Variants in LCLAT1 observed in about 807,000 individuals in gnomAD.
LCLAT1 encodes lysocardiolipin acyltransferase 1, also known as 1-AGP acyltransferase 8.
LCLAT1 carries 11 observed loss-of-function variants against 30.7 expected under a neutral mutation model. The ratio of observed to expected loss-of-function variants is 0.36; its 90% CI spans 0.23 to 0.59. The LOEUF (loss-of-function observed/expected upper bound fraction) is 0.59. Ranked by LOEUF, LCLAT1 falls within the 20% of genes least tolerant of loss-of-function variation. LCLAT1 has a pLI of 0.77. For missense variants in LCLAT1, 402 were observed against 458.6 expected (o/e 0.88, Z 1.13); for synonymous variants, 155 against 151.3 (o/e 1.02, Z -0.18).
intron 5 of LCLAT1, among the ~76,000 whole-genome samples, chr2:30,632,640 T>C (rs1456165583): frequency 6.6e-6 from 1 of 152,246 alleles, no homozygotes. Flanking sequence ...GGAAGAATAA[T>C]GATGATACAA....
chr2:30,615,465 C>G (rs1407041379), intron 5 of LCLAT1, among the ~76,000 whole-genome samples: 4 of 152,092 alleles, frequency 2.6e-5, no homozygotes, highest in Non-Finnish European at 4.4e-5. Flanking sequence ...ATGAAGTCCT[C>G]AAATCCAAGC....
chr2:30,583,031 CCAGTT>C (rs1313580716), intron 5 of LCLAT1, among the ~76,000 whole-genome samples: 2 of 152,188 alleles, frequency 1.3e-5, no homozygotes, highest in African/African-American at 4.8e-5. Flanking sequence ...GCACTATAAA[CCAGTT>C]CATTTTATTT....
intron 1 of LCLAT1, among the ~76,000 whole-genome samples, chr2:30,479,254 G>A (rs1212826654): frequency 6.6e-6 from 1 of 151,494 alleles, no homozygotes; most frequent in Non-Finnish European, 1.5e-5. Flanking sequence ...TTTTGGGACA[G>A]GGTCTCATTC....
At chr2:30,620,880 C>T (rs1187664177) in intron 5 of LCLAT1, among the ~76,000 whole-genome samples, 3 of 152,136 alleles carry the variant, frequency 2.0e-5, no homozygotes, top group Admixed American at 6.6e-5. Context: ...CCTTCCTTGC[C>T]TTTTCCAGCT....
intron 1 of LCLAT1, among the ~76,000 whole-genome samples, chr2:30,491,216 A>T (rs1683820643): frequency 6.6e-6 from 1 of 152,200 alleles, no homozygotes; most frequent in Non-Finnish European, 1.5e-5. Flanking sequence ...CTGTAAATAT[A>T]TTGGCCATGG....
chr2:30,459,149 ACCCT>A (rs1386313653), intron 1 of LCLAT1, among the ~76,000 whole-genome samples: 1 of 152,070 alleles, frequency 6.6e-6, no homozygotes, highest in African/African-American at 2.4e-5. Context: ...AAACTTGAAT[ACCCT>A]ATGTGTTACA....
chr2:30,465,634 A>G (rs1013350707), intron 1 of LCLAT1, among the ~76,000 whole-genome samples: 2 of 152,200 alleles, frequency 1.3e-5, no homozygotes, highest in African/African-American at 2.4e-5. Flanking sequence ...ACCGTTATTT[A>G]TTGGTTCTCA....
intron 1 of LCLAT1, among the ~76,000 whole-genome samples, chr2:30,473,686 A>T (rs1283352206): frequency 6.6e-6 from 1 of 152,160 alleles, no homozygotes; most frequent in African/African-American, 2.4e-5. Context: ...AAATTGTGCT[A>T]TTGGATTGAC....
intron 2 of LCLAT1, among the ~76,000 whole-genome samples, chr2:30,531,348 C>A (rs1685975957): frequency 6.6e-6 from 1 of 152,162 alleles, no homozygotes; most frequent in Non-Finnish European, 1.5e-5. Context: ...ACCAGGAGGT[C>A]TTCCATGTAG....
intron 5 of LCLAT1, among the ~76,000 whole-genome samples, chr2:30,598,008 A>G (rs1012554706): frequency 6.6e-6 from 1 of 152,198 alleles, no homozygotes; most frequent in Admixed American, 6.5e-5. Context: ...ATCATGGTGT[A>G]TAAGTTTTTT....
chr2:30,463,311 A>G (rs886934407), intron 1 of LCLAT1, among the ~76,000 whole-genome samples: 7 of 152,206 alleles, frequency 4.6e-5, no homozygotes, highest in Non-Finnish European at 8.8e-5. Flanking sequence ...TTCCCATGTC[A>G]TAAGATTTTT....
At position 30,499,229 on chromosome 2, in the gene LCLAT1, G is replaced by A. The variant is rs139798370; in HGVS notation, c.-4-26358G>A. On this transcript the variant is annotated intron_variant, in intron 1 of 5. Coordinates refer to ENST00000379509, the MANE Select transcript of LCLAT1 (RefSeq NM_001002257.3). ...AGTTTCGCTCTTATCGCCCAGGCTG[G>A]AGTGAAGTGGTGCAGTCTCAGCCCG... 2.7e-3 allele frequency among the ~76,000 whole-genome samples: 412 copies of A among 152,280 alleles called. 3 individuals are homozygous for A. The highest frequency in any genetic ancestry group is 9.4e-3 in the African/African-American group (390 of 41,562).
chr2:30,498,953 A>G (rs1157775860), intron 1 of LCLAT1, among the ~76,000 whole-genome samples: 2 of 152,220 alleles, frequency 1.3e-5, no homozygotes, highest in Admixed American at 6.5e-5. Flanking sequence ...AATGTAGATT[A>G]TATAAGGTGT....
intron 1 of LCLAT1, among the ~76,000 whole-genome samples, chr2:30,505,154 T>G (rs1336866210): frequency 2.6e-5 from 4 of 152,172 alleles, no homozygotes; most frequent in African/African-American, 9.7e-5. Flanking sequence ...GAAACATCTT[T>G]GTACATTCAG....
chr2:30,585,452 T>C (rs1015511090), intron 5 of LCLAT1, among the ~76,000 whole-genome samples: 1 of 152,178 alleles, frequency 6.6e-6, no homozygotes, highest in African/African-American at 2.4e-5. Flanking sequence ...TCTAGCCACA[T>C]TCTTAGGTAA....
chr2:30,498,235 C>G (rs1684210430), intron 1 of LCLAT1, among the ~76,000 whole-genome samples: 2 of 152,166 alleles, frequency 1.3e-5, no homozygotes, highest in African/African-American at 4.8e-5. Context: ...AATGTGCTGA[C>G]TGGTCTGCAG....
intron 5 of LCLAT1, among the ~76,000 whole-genome samples, chr2:30,629,496 G>A (rs1373362295): frequency 6.6e-6 from 1 of 152,172 alleles, no homozygotes; most frequent in Non-Finnish European, 1.5e-5. Flanking sequence ...GGAAGTGGAA[G>A]TTGCAGTGAG....
intron 1 of LCLAT1, among the ~76,000 whole-genome samples, chr2:30,461,993 C>T (rs551220037): frequency 3.3e-5 from 5 of 151,738 alleles, no homozygotes; most frequent in Middle Eastern, 3.4e-3. Flanking sequence ...AGGATGGTCT[C>T]GATCTCCTGA....
chr2:30,564,816 G>C (rs1665401147), intron 4 of LCLAT1, among the ~76,000 whole-genome samples: 1 of 152,094 alleles, frequency 6.6e-6, no homozygotes, highest in Non-Finnish European at 1.5e-5. Context: ...AATCTAGCTT[G>C]CATGTACATT....
Sources: allele counts gnomAD v4.1 joint callset (sites outside exome capture counted in the v4.1 genomes callset), GRCh38; gene constraint gnomAD v4.1.1; transcripts MANE v1.5; gene names NCBI Gene and HGNC (gene_info 2026-07-23, HGNC 2026-07-21).